TMEM183A: variants seen among roughly 807,000 people sequenced by gnomAD.
The protein encoded by TMEM183A is transmembrane protein 183A, also known as chromosome 1 open reading frame 37.
TMEM183A carries 21 observed loss-of-function variants against 46.7 expected under a neutral mutation model. The observed-to-expected ratio is 0.45, with a 90% CI of 0.32 to 0.65. The LOEUF (loss-of-function observed/expected upper bound fraction) is 0.65, where lower values mean the gene tolerates loss of function less well. TMEM183A is among the 30% of genes least tolerant of loss of function. TMEM183A has a pLI of 0.04. For synonymous variants in TMEM183A, 165 were observed against 180.2 expected (o/e 0.92, Z 0.68); for missense variants, 331 against 481.9 (o/e 0.69, Z 2.93).
rs757007476 is a variant in TMEM183A at position 203,007,420 on chromosome 1, G to C, written c.-46G>C. On this transcript the variant is annotated 5_prime_UTR_variant, in exon 1 of 8. Transcript: ENST00000367242. ...CGGTGTGGGATGGCCGCGGAGCCGG[G>C]CGGAGCTGGCTTGCGGCTCCCGGGG... 742 of 1,365,426 alleles carry C rather than the reference G, an allele frequency of 5.4e-4. 2 individuals are homozygous for C. Among genetic ancestry groups the C allele is most frequent in the Non-Finnish European group, 6.1e-4 (644 of 1,058,068 alleles). 84.6% of individuals were successfully genotyped at this position (1,365,426 alleles called of 1,614,324 possible).
chr1:203,007,394 C>T lies in TMEM183A; in HGVS notation c.-72C>T. ...ATGTTCTCGCGAGAGTTAGCGGCCT[C>T]CGGTGTGGGATGGCCGCGGAGCCGG... On this transcript the variant is annotated 5_prime_UTR_variant, in exon 1 of 8. Coordinates refer to ENST00000367242, the MANE Select transcript of TMEM183A (RefSeq NM_138391.6). The T allele has an allele frequency of 1.2e-5, 16 of 1,301,124 alleles. No individual in the cohort carries two copies. The highest frequency in any genetic ancestry group is 3.1e-5 in the East Asian group (1 of 32,538). The allele number at this position is 1,301,124 out of a possible 1,614,324, so 80.6% of individuals were successfully genotyped here. A position where few individuals can be genotyped will look rare whatever the true frequency, so the allele number is the denominator to read the frequency against.
In TMEM183A at chr1:203,024,681, G is replaced by C. The variant is rs1658032592; in HGVS notation, c.*1641G>C. ...ACCTAAGGACAATGAGCACTTTGCA[G>C]ATCTCTACAATTAAAAGTTGCCTCT... is the stretch of plus-strand genomic sequence containing the variant. On this transcript the variant is annotated 3_prime_UTR_variant, in exon 8 of 8. Coordinates refer to ENST00000367242, the MANE Select transcript of TMEM183A (RefSeq NM_138391.6). 1 of 152,190 alleles carries C rather than the reference G, an allele frequency of 6.6e-6. No homozygotes were observed. Among genetic ancestry groups the C allele is most frequent in the Non-Finnish European group, 1.5e-5 (1 of 68,038 alleles). The allele number at this position is 152,190 out of a possible 1,614,324, so 9.4% of individuals were successfully genotyped here.
Position 203,014,873 on chromosome 1 carries a change from CT to C in TMEM183A, c.368-8del, listed in dbSNP as rs568311858. ...ATGGTGTAGAAGATCAGAGATTATT[CT>C]TTTTTTTGTTTCAGAAGAACTGGAC... is the stretch of plus-strand genomic sequence containing the variant. On this transcript the variant is annotated splice_polypyrimidine_tract_variant and intron_variant, in intron 3 of 7. Coordinates refer to ENST00000367242, the MANE Select transcript of TMEM183A (RefSeq NM_138391.6). The C allele has an allele frequency of 8.7e-6, 14 of 1,612,308 alleles. No homozygotes were observed. Among genetic ancestry groups the C allele is most frequent in the South Asian group, 1.1e-5 (1 of 90,908 alleles).
In TMEM183A at chr1:203,023,083, A is replaced by ATT; in HGVS notation, c.*44_*45dup. On this transcript the variant is annotated 3_prime_UTR_variant, in exon 8 of 8. Transcript: ENST00000367242. The stretch of plus-strand genomic sequence containing the variant: ...TTGGGGGCAGCCTCGAGTGTAGTCC[A>ATT]TTAGTAATCAGATTCCAGTTTGGAC... 2 of 1,157,872 alleles carry ATT rather than the reference A, an allele frequency of 1.7e-6. No homozygotes were observed. The highest frequency in any genetic ancestry group is 3.1e-5 in the South Asian group (2 of 65,274). 71.7% of individuals were successfully genotyped at this position (1,157,872 alleles called of 1,614,324 possible). A position where few individuals can be genotyped will look rare whatever the true frequency, so the allele number is the denominator to read the frequency against.
At chr1:203,007,671 G>A in intron 1 of TMEM183A, 97 bp downstream of exon 1, 1 of 1,548,594 alleles carries the variant, frequency 6.5e-7, no homozygotes, top group Non-Finnish European at 8.7e-7. Flanking sequence ...GCCCGCGGCT[G>A]GAGGGCGGCT....
intron 3 of TMEM183A, among the ~76,000 whole-genome samples, chr1:203,011,273 C>G (rs529909386): frequency 1.3e-5 from 2 of 152,310 alleles, no homozygotes; most frequent in African/African-American, 4.8e-5. Flanking sequence ...ACATCCTTAT[C>G]AACACTTGTT....
chr1:203,014,950 C>G lies in TMEM183A; in HGVS notation c.429C>G (p.Ser143=). The G allele has an allele frequency of 6.2e-7, 1 of 1,613,874 alleles. No homozygotes were observed. The highest frequency in any genetic ancestry group is 8.5e-7 in the Non-Finnish European group (1 of 1,179,872). The part of the protein sequence containing the change: ...YPMDIWLLLA[S]YIRPEDIVNF... ...TGGATATTTGGCTATTGCTGGCCTC[C>G]TATATCCGTCCTGAGGACATTGTGA... Residue 143 remains serine, a synonymous_variant, in exon 4 of 8, where the codon TCC becomes TCG. Transcript: ENST00000367242.
chr1:203,022,065 AGTTTT>A (rs1428283957), intron 7 of TMEM183A, among the ~76,000 whole-genome samples: 6 of 151,958 alleles, frequency 3.9e-5, no homozygotes, highest in Admixed American at 6.6e-5. Flanking sequence ...TCATATATAC[AGTTTT>A]GTTTTGTTTT....
intron 6 of TMEM183A, among the ~76,000 whole-genome samples, chr1:203,019,135 G>A (rs574402409): frequency 6.6e-6 from 1 of 152,326 alleles, no homozygotes; most frequent in African/African-American, 2.4e-5. Context: ...CAAAGGAAAT[G>A]CCTATTGGAG....
At chr1:203,016,240 G>A (rs1345122592) in intron 5 of TMEM183A, 100 bp downstream of exon 5, 1 of 1,540,564 alleles carries the variant, frequency 6.5e-7, no homozygotes, top group Non-Finnish European at 8.9e-7. Context: ...AGGGGTGTAG[G>A]TCCCAGGCTG....
Position 203,020,928 on chromosome 1 carries a change from A to G in TMEM183A, c.925A>G (p.Met309Val), listed in dbSNP as rs749363445. Residue 309 changes from methionine (M) to valine (V), a missense_variant, in exon 7 of 8, where the codon ATG (methionine) becomes GTG (valine). Coordinates refer to ENST00000367242, the MANE Select transcript of TMEM183A (RefSeq NM_138391.6). ...CAATTTCATCTTTATTCCGATTGTCATGGGAATGATATTTACTCTGGTAAG... is the reference window on the plus strand; with the variant it reads ...CAATTTCATCTTTATTCCGATTGTCGTGGGAATGATATTTACTCTGGTAAG... ...TLNFIFIPIV[M>V]GMIFTLFTIN... 2 of 1,600,816 alleles carry G rather than the reference A, an allele frequency of 1.2e-6. No individual in the cohort carries two copies. The highest frequency in any genetic ancestry group is 1.1e-5 in the South Asian group (1 of 90,614).
intron 7 of TMEM183A, 79 bp downstream of exon 7, chr1:203,021,027 CTTTTTTTTT>C: frequency 1.4e-6 from 1 of 697,320 alleles, no homozygotes; most frequent in Non-Finnish European, 1.8e-6. Context: ...AACCGCAGCT[CTTTTTTTTT>C]TTTTTTTTTT....
chr1:203,022,274 G>C (rs1158056770), intron 7 of TMEM183A, among the ~76,000 whole-genome samples: 1 of 151,932 alleles, frequency 6.6e-6, no homozygotes, highest in Admixed American at 6.6e-5. Context: ...GGTTTGCTCA[G>C]GCTGGTCTCA....
In TMEM183A at chr1:203,016,045, C is replaced by T. The variant is rs1184286170; in HGVS notation, c.613C>T (p.Arg205Ter). The change falls in exon 5 of 8, where the codon CGA (arginine) becomes TGA (stop). Residue 205 changes from arginine to a stop codon, truncating the protein, a stop_gained. Transcript: ENST00000367242. LOFTEE classifies it high-confidence loss of function. ...KLRCLRACVI[R>*]SLYHMYEPFA... The stretch of plus-strand genomic sequence containing the variant: ...GCGCTGTCTCCGGGCTTGTGTGATC[C>T]GATCTCTGTACCATATGTATGAGCC... 2.5e-6 allele frequency: 4 copies of T among 1,613,938 alleles called. No individual in the cohort carries two copies. The highest frequency in any genetic ancestry group is 1.3e-5 in the African/African-American group (1 of 74,920).
chr1:203,020,970 C>T (rs747489100), intron 7 of TMEM183A, 22 bp downstream of exon 7: 10 of 1,331,492 alleles, frequency 7.5e-6, no homozygotes, highest in Non-Finnish European at 8.9e-6. Context: ...CTCAGGATGT[C>T]ATTCTCAGCT....
chr1:203,018,064 GC>G, intron 5 of TMEM183A: 1 of 556,478 alleles, frequency 1.8e-6, no homozygotes, highest in Non-Finnish European at 2.3e-6. Context: ...CTATTATAGG[GC>G]CAGCCCTCTC....
intron 2 of TMEM183A, 30 bp downstream of exon 2, chr1:203,007,893 A>G (rs1239392014): frequency 6.2e-7 from 1 of 1,613,152 alleles, no homozygotes; most frequent in South Asian, 1.1e-5. Context: ...TTAAAGACTC[A>G]TGCCGCGAAG....
intron 4 of TMEM183A, 149 bp from the exon 5 acceptor site, chr1:203,015,811 C>A: frequency 2.0e-6 from 2 of 995,632 alleles, no homozygotes; most frequent in Non-Finnish European, 1.4e-6. Context: ...TAAAAGTCGC[C>A]AAGAGGTCAA....
At chr1:203,022,472 G>A (rs1285333948) in intron 7 of TMEM183A, among the ~76,000 whole-genome samples, 2 of 152,096 alleles carry the variant, frequency 1.3e-5, no homozygotes, top group African/African-American at 4.8e-5. Context: ...GGAGGCCGAG[G>A]TGGGCAGATC....
Sources: gnomAD v4.1 joint callset for allele counts (sites outside exome capture counted in the v4.1 genomes callset) on GRCh38, gnomAD v4.1.1 for gene constraint, MANE v1.5 for transcripts, NCBI Gene and HGNC (gene_info 2026-07-23, HGNC 2026-07-21) for gene names.